The following KIZ variants were observed in gnomAD, a reference collection of about 807,000 sequenced individuals.
The protein encoded by KIZ is kizuna centrosomal protein, also known as centrosomal protein kizuna.
In KIZ, 68 loss-of-function variants were observed where a neutral mutation model predicts 79.6. That is an observed-to-expected ratio of 0.85 (90% CI 0.70 to 1.05). KIZ has a LOEUF of 1.05. Ranked by LOEUF, KIZ falls within the 50% of genes least tolerant of loss-of-function variation. KIZ has a pLI of 0.00. For missense variants in KIZ, 797 were observed against 800.4 expected, an observed-to-expected ratio of 1.00 and a Z score of 0.05; for synonymous variants, 280 against 281.8, an observed-to-expected ratio of 0.99 and a Z score of 0.06.
At chr20:21,240,711 G>A (rs1023726250) in intron 11 of KIZ, among the ~76,000 whole-genome samples, 7 of 96,642 alleles carry the variant, frequency 7.2e-5, no homozygotes, top group South Asian at 5.6e-4. Flanking sequence ...CAGTCCATAC[G>A]GCCCGCAAGC....
intron 6 of KIZ, chr20:21,194,679 G>A (rs988570831): frequency 2.0e-5 from 3 of 152,226 alleles, no homozygotes; most frequent in Non-Finnish European, 4.4e-5. Context: ...CTGGACTGGT[G>A]TAACAACAAC....
chr20:21,168,994 A>G (rs2034081128), intron 6 of KIZ, among the ~76,000 whole-genome samples: 1 of 152,200 alleles, frequency 6.6e-6, no homozygotes, highest in Admixed American at 6.5e-5. Context: ...AAGAAAACCT[A>G]GGCAATACCA....
At chr20:21,205,660 A>AG (rs2035793469) in intron 7 of KIZ, 76 bp downstream of exon 7, 1 of 219,998 alleles carries the variant, frequency 4.5e-6, no homozygotes, top group South Asian at 5.7e-5. Flanking sequence ...TTTTTATTTA[A>AG]AAAAAAAAAA....
intron 6 of KIZ, among the ~76,000 whole-genome samples, chr20:21,204,108 T>G (rs908525533): frequency 1.3e-3 from 92 of 70,364 alleles, no homozygotes; most frequent in African/African-American, 6.6e-3. Flanking sequence ...CATCTATGTT[T>G]TTTTTTTTTT....
At chr20:21,136,659 C>A in intron 3 of KIZ, 107 bp downstream of exon 3, 1 of 758,042 alleles carries the variant, frequency 1.3e-6, no homozygotes, top group Non-Finnish European at 2.0e-6. Flanking sequence ...ACTTGAACAC[C>A]TGGGCTCAAG....
chr20:21,182,179 G>A (rs1300973381), intron 6 of KIZ, among the ~76,000 whole-genome samples: 1 of 152,158 alleles, frequency 6.6e-6, no homozygotes, highest in Non-Finnish European at 1.5e-5. Context: ...GGTCAGGAAG[G>A]TAGGGCTGTC....
At chr20:21,192,193 T>C (rs2035135964) in intron 6 of KIZ, among the ~76,000 whole-genome samples, 1 of 152,140 alleles carries the variant, frequency 6.6e-6, no homozygotes, top group African/African-American at 2.4e-5. Flanking sequence ...CTTCCCACCT[T>C]TCTGAATACA....
intron 4 of KIZ, among the ~76,000 whole-genome samples, chr20:21,152,509 AAG>A (rs1247041914): frequency 2.0e-5 from 3 of 152,130 alleles, no homozygotes; most frequent in South Asian, 2.1e-4. Context: ...GGAGATCTCT[AAG>A]AGAGTTTTAT....
intron 9 of KIZ, among the ~76,000 whole-genome samples, chr20:21,219,109 G>A (rs893061511): frequency 6.6e-6 from 1 of 152,314 alleles, no homozygotes; most frequent in South Asian, 2.1e-4. Flanking sequence ...ATCAGAATGA[G>A]GGGGTCCTGG....
At chr20:21,191,629 G>A (rs756112402) in intron 6 of KIZ, among the ~76,000 whole-genome samples, 3 of 152,136 alleles carry the variant, frequency 2.0e-5, no homozygotes, top group African/African-American at 7.2e-5. Flanking sequence ...TAAAGAAATC[G>A]TCATGGTTTA....
intron 11 of KIZ, among the ~76,000 whole-genome samples, chr20:21,235,880 C>CA (rs2036989841): frequency 6.6e-6 from 1 of 152,330 alleles, no homozygotes; most frequent in South Asian, 2.1e-4. Flanking sequence ...ATGGCGGTGG[C>CA]ATTTTCTGTC....
At chr20:21,199,501 T>G (rs1271101698) in intron 6 of KIZ, among the ~76,000 whole-genome samples, 4 of 152,226 alleles carry the variant, frequency 2.6e-5, no homozygotes, top group Non-Finnish European at 5.9e-5. Flanking sequence ...ACACTGATTA[T>G]CACTGGTTCA....
At chr20:21,173,612 AT>A (rs1396006579) in intron 6 of KIZ, among the ~76,000 whole-genome samples, 3 of 148,484 alleles carry the variant, frequency 2.0e-5, no homozygotes, top group Non-Finnish European at 4.5e-5. Context: ...AACCAGCTGG[AT>A]TCTTTATGGA....
intron 4 of KIZ, among the ~76,000 whole-genome samples, chr20:21,152,332 G>A (rs190661538): frequency 2.5e-4 from 38 of 152,282 alleles, no homozygotes; most frequent in African/African-American, 8.9e-4. Context: ...ATGAGCAGGT[G>A]GTTAGTTCAT....
intron 9 of KIZ, among the ~76,000 whole-genome samples, chr20:21,223,288 A>G (rs2036558477): frequency 6.6e-6 from 1 of 152,226 alleles, no homozygotes; most frequent in Admixed American, 6.5e-5. Flanking sequence ...AATGTTGGTT[A>G]AAGGTCAGTT....
rs565902310 is a variant in KIZ at position 21,163,027 on chromosome 20, G to C, written c.1220G>C (p.Gly407Ala). 6.2e-7 allele frequency: 1 copy of C among 1,613,910 alleles called. No individual in the cohort carries two copies. The highest frequency in any genetic ancestry group is 1.3e-5 in the African/African-American group (1 of 75,030). Residue 407 changes from glycine (G) to alanine (A), a missense_variant, in exon 6 of 13, where the codon GGA (glycine) becomes GCA (alanine). Gly to Ala is a moderately conservative substitution (Grantham distance 60). Coordinates refer to ENST00000619189, the MANE Select transcript of KIZ (RefSeq NM_018474.6). ...GGTGGCAAGATGGAGGGAGAAGATG[G>C]AATAGAGGCCTTAAAATTAATCCAT... ...NPGGKMEGED[G>A]IEALKLIHAE...
intron 11 of KIZ, among the ~76,000 whole-genome samples, chr20:21,240,746 A>G (rs1346869938): frequency 1.3e-5 from 2 of 152,238 alleles, no homozygotes; most frequent in Non-Finnish European, 2.9e-5. Flanking sequence ...ACATTTTTAA[A>G]TGGTTGGAAG....
At chr20:21,212,636 G>A (rs1036322793) in intron 7 of KIZ, among the ~76,000 whole-genome samples, 8 of 152,162 alleles carry the variant, frequency 5.3e-5, no homozygotes, top group African/African-American at 1.4e-4. Context: ...TTGAAGGAGC[G>A]TCTGTGTACA....
intron 4 of KIZ, among the ~76,000 whole-genome samples, chr20:21,160,683 G>A (rs1261680451): frequency 6.6e-6 from 1 of 152,046 alleles, no homozygotes; most frequent in Non-Finnish European, 1.5e-5. Context: ...GAATATTTGT[G>A]TCCCCCCCAA....
Sources: gnomAD v4.1 joint callset for allele counts (sites outside exome capture counted in the v4.1 genomes callset) on GRCh38, gnomAD v4.1.1 for gene constraint, MANE v1.5 for transcripts, NCBI Gene and HGNC (gene_info 2026-07-23, HGNC 2026-07-21) for gene names.